Variants in ZFAND3 observed in about 807,000 individuals in gnomAD.
ZFAND3 encodes zinc finger AN1-type containing 3.
Under a neutral mutation model 29.6 loss-of-function variants are expected in ZFAND3, and 10 were observed. The ratio of observed to expected loss-of-function variants is 0.34; its 90% CI spans 0.21 to 0.57. ZFAND3 has a LOEUF of 0.57. ZFAND3 is among the 20% of genes least tolerant of loss of function. ZFAND3 has a pLI of 0.86. For missense variants in ZFAND3, 230 were observed against 304.5 expected, an observed-to-expected ratio of 0.76 and a Z score of 1.82; for synonymous variants, 128 against 112.6, an observed-to-expected ratio of 1.14 and a Z score of -0.87.
chr6:38,125,104 G>A (rs1765610761), intron 5 of ZFAND3, among the ~76,000 whole-genome samples: 2 of 152,088 alleles, frequency 1.3e-5, no homozygotes, highest in Non-Finnish European at 2.9e-5. Flanking sequence ...GAGAGCTAAG[G>A]GTAACTAGAA....
intron 1 of ZFAND3, among the ~76,000 whole-genome samples, chr6:37,857,638 G>T (rs1269892403): frequency 6.6e-6 from 1 of 152,212 alleles, no homozygotes; most frequent in Non-Finnish European, 1.5e-5. Context: ...AGCAGTTGTA[G>T]AAGTCTTGCT....
At chr6:38,123,267 T>C (rs1312835843) in intron 5 of ZFAND3, among the ~76,000 whole-genome samples, 1 of 152,062 alleles carries the variant, frequency 6.6e-6, no homozygotes, top group Non-Finnish European at 1.5e-5. Flanking sequence ...AGGTCTAGAG[T>C]GGGGCAAGGA....
chr6:38,146,670 G>A (rs1484828518), intron 5 of ZFAND3, among the ~76,000 whole-genome samples: 1 of 152,142 alleles, frequency 6.6e-6, no homozygotes, highest in African/African-American at 2.4e-5. Context: ...AAGGGCTAAG[G>A]TTAAACCACA....
At chr6:38,040,371 A>G (rs1184676609) in intron 2 of ZFAND3, among the ~76,000 whole-genome samples, 1 of 152,124 alleles carries the variant, frequency 6.6e-6, no homozygotes, top group African/African-American at 2.4e-5. Flanking sequence ...TATTTCACTT[A>G]ATATTCTTAA....
chr6:38,153,601 C>T lies in ZFAND3; in HGVS notation c.*1212C>T. ...TCTGGTAGGTGAGGGCCTGAGGGTA[C>T]ATTTCTCCACCTGTGCCCCCTCATG... On this transcript the variant is annotated 3_prime_UTR_variant, in exon 6 of 6. Coordinates refer to ENST00000287218, the MANE Select transcript of ZFAND3 (RefSeq NM_021943.3). 1 of 985,476 alleles carries T rather than the reference C, an allele frequency of 1.0e-6. No homozygotes were observed. The highest frequency in any genetic ancestry group is 1.2e-6 in the Non-Finnish European group (1 of 830,000). 61.0% of individuals were successfully genotyped at this position (985,476 alleles called of 1,614,324 possible).
chr6:37,869,348 G>T (rs942922089), intron 1 of ZFAND3, among the ~76,000 whole-genome samples: 2 of 151,892 alleles, frequency 1.3e-5, no homozygotes, highest in African/African-American at 4.8e-5. Flanking sequence ...TAGTAGAGAT[G>T]GGGTTTCACC....
At chr6:38,069,592 T>C (rs888589354) in intron 3 of ZFAND3, among the ~76,000 whole-genome samples, 5 of 152,230 alleles carry the variant, frequency 3.3e-5, no homozygotes, top group Admixed American at 2.0e-4. Flanking sequence ...TTATTAGGGC[T>C]GTGTTCTGAA....
chr6:38,029,878 T>G (rs1010580254), intron 2 of ZFAND3, among the ~76,000 whole-genome samples: 1 of 152,012 alleles, frequency 6.6e-6, no homozygotes, highest in African/African-American at 2.4e-5. Flanking sequence ...GTTTTAAGCT[T>G]TTACTGATTA....
At chr6:38,070,822 A>G (rs1764439811) in intron 3 of ZFAND3, among the ~76,000 whole-genome samples, 1 of 152,128 alleles carries the variant, frequency 6.6e-6, no homozygotes, top group Admixed American at 6.5e-5. Flanking sequence ...ATTGTTTACC[A>G]CAGCATTACC....
chr6:37,937,675 G>GAAA lies in ZFAND3; in HGVS notation c.112+7676_112+7677insAAA, dbSNP rs1761726056. Among the ~76,000 whole-genome samples, 27 of 70,310 alleles carry GAAA rather than the reference G, an allele frequency of 3.8e-4. 3 individuals carry two copies. Among genetic ancestry groups the GAAA allele is most frequent in the South Asian group, 1.6e-3 (3 of 1,824 alleles). The allele number at this position is 70,310 out of a possible 152,430, so 46.1% of individuals were successfully genotyped here. A position where few individuals can be genotyped will look rare whatever the true frequency, so the allele number is the denominator to read the frequency against. On this transcript the variant is annotated intron_variant, in intron 2 of 5. Transcript: ENST00000287218. ...TCTCAAAAAAAAAAAAAAAAAAAAG[G>GAAA]CAAAAAAAGTAACTGCTGCTCTTAA...
At chr6:37,871,167 TTTC>T (rs1304177794) in intron 1 of ZFAND3, among the ~76,000 whole-genome samples, 2 of 152,222 alleles carry the variant, frequency 1.3e-5, no homozygotes, top group Admixed American at 6.5e-5. Context: ...ACTCTTCAGT[TTTC>T]TTATTTTTTC....
chr6:38,040,648 C>T (rs915930267), intron 2 of ZFAND3, among the ~76,000 whole-genome samples: 3 of 152,170 alleles, frequency 2.0e-5, no homozygotes, highest in Non-Finnish European at 2.9e-5. Flanking sequence ...GTCCTTTATA[C>T]AGATTCGGGA....
At chr6:37,900,106 T>C (rs183350661) in intron 1 of ZFAND3, among the ~76,000 whole-genome samples, 2 of 152,288 alleles carry the variant, frequency 1.3e-5, no homozygotes, top group Admixed American at 1.3e-4. Context: ...TAGTCTCTTT[T>C]TATGGACATT....
At chr6:38,113,348 A>G (rs992106278) in intron 4 of ZFAND3, among the ~76,000 whole-genome samples, 3 of 152,206 alleles carry the variant, frequency 2.0e-5, no homozygotes, top group Non-Finnish European at 4.4e-5. Flanking sequence ...AGTATATCAT[A>G]CCAGAAGCTG....
At chr6:37,927,947 C>T (rs770778114) in intron 1 of ZFAND3, among the ~76,000 whole-genome samples, 1 of 152,216 alleles carries the variant, frequency 6.6e-6, no homozygotes, top group Non-Finnish European at 1.5e-5. Flanking sequence ...TCTGTTTTCT[C>T]AATGGTAAAA....
At chr6:38,089,421 C>A (rs769353757) in intron 4 of ZFAND3, among the ~76,000 whole-genome samples, 3 of 152,178 alleles carry the variant, frequency 2.0e-5, no homozygotes, top group Non-Finnish European at 2.9e-5. Context: ...AGCCACCACA[C>A]CCAGCCTTGA....
chr6:38,154,470 G>C lies in ZFAND3; in HGVS notation c.*2081G>C. The C allele has an allele frequency of 2.0e-6, 2 of 985,258 alleles. No homozygotes were observed. The highest frequency in any genetic ancestry group is 2.4e-6 in the Non-Finnish European group (2 of 829,406). 61.0% of individuals were successfully genotyped at this position (985,258 alleles called of 1,614,324 possible). On this transcript the variant is annotated 3_prime_UTR_variant, in exon 6 of 6. Coordinates refer to ENST00000287218, the MANE Select transcript of ZFAND3 (RefSeq NM_021943.3). ...CTTAAATTCTTGTATCTTTAAAAGA[G>C]AAAATCTTATTTAACCCTTTTGTGT...
chr6:37,959,815 C>A (rs765797789), intron 2 of ZFAND3, among the ~76,000 whole-genome samples: 54 of 152,166 alleles, frequency 3.5e-4, no homozygotes, highest in Non-Finnish European at 5.1e-4. Flanking sequence ...CTCAGGCTTA[C>A]AATTTAAACT....
At chr6:37,869,796 G>A (rs912903278) in intron 1 of ZFAND3, among the ~76,000 whole-genome samples, 2 of 151,054 alleles carry the variant, frequency 1.3e-5, no homozygotes, top group African/African-American at 4.9e-5. Context: ...ATAGATGTGA[G>A]CTACTGCACC....
Sources: allele counts gnomAD v4.1 joint callset (sites outside exome capture counted in the v4.1 genomes callset), GRCh38; gene constraint gnomAD v4.1.1; transcripts MANE v1.5; gene names NCBI Gene and HGNC (gene_info 2026-07-23, HGNC 2026-07-21).